Variants in SQOR observed in about 807,000 individuals in gnomAD.
SQOR encodes sulfide:quinone oxidoreductase, mitochondrial.
In SQOR, 39 loss-of-function variants were observed where a neutral mutation model predicts 48.6. The ratio of observed to expected loss-of-function variants is 0.80; its 90% confidence interval spans 0.62 to 1.05. The LOEUF is 1.05. Ranked by LOEUF, SQOR falls within the 50% of genes least tolerant of loss-of-function variation. The pLI is 0.00. For missense variants in SQOR, 561 were observed against 559.9 expected (o/e 1.00, Z -0.02); for synonymous variants, 220 against 206.2 (o/e 1.07, Z -0.57).
chr15:45,654,264 A>G (rs1441776215), intron 1 of SQOR, among the ~76,000 whole-genome samples: 1 of 152,158 alleles, frequency 6.6e-6, no homozygotes, highest in East Asian at 1.9e-4. Context: ...TTGGAAGTTT[A>G]GGTGATGTTA....
intron 7 of SQOR, among the ~76,000 whole-genome samples, chr15:45,682,882 G>A (rs749556573): frequency 3.5e-4 from 53 of 152,122 alleles, no homozygotes; most frequent in Non-Finnish European, 7.2e-4. Context: ...ACAAAAATTA[G>A]TCAGGCGTGT....
chr15:45,666,713 G>A (rs1889823818), intron 3 of SQOR, among the ~76,000 whole-genome samples: 1 of 150,350 alleles, frequency 6.7e-6, no homozygotes, highest in Admixed American at 6.6e-5. Flanking sequence ...ACCTATGTTG[G>A]TGCTCCTTTT....
chr15:45,676,212 A>G lies in SQOR; in HGVS notation c.766A>G (p.Thr256Ala). Reference protein sequence around the residue: ...LQEIIQERNLTVNYKKNLIEV... With the variant: ...LQEIIQERNLAVNYKKNLIEV... Reference sequence around the variant, plus strand: ...GGAGATCATCCAGGAGCGGAACCTCACTGTTAACTACAAGAAAAACCTCAT... The same window carrying G: ...GGAGATCATCCAGGAGCGGAACCTCGCTGTTAACTACAAGAAAAACCTCAT... The change falls in exon 6 of 10, where the codon ACT (threonine) becomes GCT (alanine). Residue 256 changes from threonine to alanine, a missense_variant. Thr to Ala is a moderately conservative substitution (Grantham distance 58). Transcript: ENST00000260324. 2 of 1,614,142 alleles carry G rather than the reference A, an allele frequency of 1.2e-6. No individual in the cohort carries two copies. Among genetic ancestry groups the G allele is most frequent in the Non-Finnish European group, 1.7e-6 (2 of 1,180,022 alleles).
At chr15:45,633,619 G>A (rs1055237889), upstream of SQOR, among the ~76,000 whole-genome samples, 1 of 151,170 alleles carries the variant, frequency 6.6e-6, no homozygotes, top group South Asian at 2.1e-4. Context: ...ACTTGAATCC[G>A]GGAGGTGGAC....
chr15:45,689,626 G>A (rs1280300302), intron 9 of SQOR, among the ~76,000 whole-genome samples: 1 of 151,772 alleles, frequency 6.6e-6, no homozygotes. Context: ...CTAAATGTTG[G>A]CCAGGCTGGT....
intron 1 of SQOR, among the ~76,000 whole-genome samples, chr15:45,654,700 A>C (rs981375536): frequency 1.3e-5 from 2 of 151,632 alleles, no homozygotes; most frequent in African/African-American, 4.8e-5. Flanking sequence ...TTCGGAGTGG[A>C]GGTTTAATAG....
At chr15:45,688,316 A>T (rs756902500) in intron 7 of SQOR, 21 bp from the exon 8 acceptor site, 1 of 1,566,476 alleles carries the variant, frequency 6.4e-7, no homozygotes, top group Admixed American at 2.0e-5. Flanking sequence ...CATTTTTCTG[A>T]CTTTCCCATT....
At position 45,674,885 on chromosome 15, in the gene SQOR, G is replaced by A. The variant is rs531965688; in HGVS notation, c.654+1084G>A. On this transcript the variant is annotated intron_variant, in intron 5 of 9. Coordinates refer to ENST00000260324, the MANE Select transcript of SQOR (RefSeq NM_021199.4). ...GTGGCAGGATTTCTAGCAGCTAGTC[G>A]TGTATGGGGACAGATGGGAAGAAGG... is the stretch of plus-strand genomic sequence containing the variant. 1.3e-4 allele frequency among the ~76,000 whole-genome samples: 20 copies of A among 152,280 alleles called. No homozygotes were observed. The South Asian group carries it at 1.7e-3, about 13-fold the overall frequency.
chr15:45,639,813 T>C (rs1895073403), intron 1 of SQOR, among the ~76,000 whole-genome samples: 1 of 152,128 alleles, frequency 6.6e-6, no homozygotes, highest in South Asian at 2.1e-4. Flanking sequence ...CCATCTGAGT[T>C]TGGAGGAAAA....
chr15:45,640,685 A>C, intron 1 of SQOR, among the ~76,000 whole-genome samples: 1 of 152,070 alleles, frequency 6.6e-6, no homozygotes, highest in African/African-American at 2.4e-5. Flanking sequence ...TTTACAGTGA[A>C]CTCCTTGCAT....
intron 2 of SQOR, among the ~76,000 whole-genome samples, chr15:45,661,186 G>A (rs538797398): frequency 6.7e-6 from 1 of 150,282 alleles, no homozygotes; most frequent in East Asian, 2.0e-4. Flanking sequence ...GGAGGCTGAG[G>A]CAGAAGAATC....
intron 5 of SQOR, among the ~76,000 whole-genome samples, chr15:45,675,102 T>G (rs1432545908): frequency 6.6e-6 from 1 of 152,124 alleles, no homozygotes; most frequent in Non-Finnish European, 1.5e-5. Flanking sequence ...TTTGAGACAC[T>G]TACCCACCTG....
At chr15:45,643,890 G>C (rs1216450665) in intron 1 of SQOR, among the ~76,000 whole-genome samples, 1 of 152,104 alleles carries the variant, frequency 6.6e-6, no homozygotes, top group Non-Finnish European at 1.5e-5. Context: ...TAGAATGGAG[G>C]ATAGTATATG....
chr15:45,686,526 T>C (rs1890228816), intron 7 of SQOR, among the ~76,000 whole-genome samples: 2 of 152,242 alleles, frequency 1.3e-5, no homozygotes, highest in African/African-American at 4.8e-5. Flanking sequence ...AAAAAATCAT[T>C]GCTTCTTTGA....
chr15:45,649,369 T>C (rs1294072488), intron 1 of SQOR, among the ~76,000 whole-genome samples: 1 of 152,222 alleles, frequency 6.6e-6, no homozygotes, highest in Non-Finnish European at 1.5e-5. Flanking sequence ...CAATTTAGAA[T>C]AGAGGAATTT....
At chr15:45,641,460 C>G (rs1895103575) in intron 1 of SQOR, among the ~76,000 whole-genome samples, 1 of 152,220 alleles carries the variant, frequency 6.6e-6, no homozygotes, top group Non-Finnish European at 1.5e-5. Context: ...CCCAGTGACT[C>G]AGTCCTGGCC....
intron 1 of SQOR, among the ~76,000 whole-genome samples, chr15:45,642,024 A>T (rs1895113424): frequency 6.6e-6 from 1 of 152,190 alleles, no homozygotes; most frequent in Admixed American, 6.5e-5. Flanking sequence ...CTTTCCTGTT[A>T]TAACAGACAG....
At chr15:45,677,632 G>A (rs1225150805) in intron 6 of SQOR, among the ~76,000 whole-genome samples, 1 of 152,092 alleles carries the variant, frequency 6.6e-6, no homozygotes, top group African/African-American at 2.4e-5. Context: ...TTTTCTTTCA[G>A]TAGAATGTTC....
At chr15:45,639,958 T>A (rs1895075529) in intron 1 of SQOR, among the ~76,000 whole-genome samples, 1 of 152,238 alleles carries the variant, frequency 6.6e-6, no homozygotes, top group Non-Finnish European at 1.5e-5. Flanking sequence ...GGTAAATGAC[T>A]ATCTCATGGT....
Sources: allele counts gnomAD v4.1 joint callset (sites outside exome capture counted in the v4.1 genomes callset), GRCh38; gene constraint gnomAD v4.1.1; transcripts MANE v1.5; gene names NCBI Gene and HGNC (gene_info 2026-07-23, HGNC 2026-07-21).